The following GPC6 variants were observed in gnomAD, a reference collection of about 807,000 sequenced individuals.
GPC6 encodes glypican-6.
A neutral mutation model predicts 55.2 loss-of-function variants in GPC6; 14 were observed. That is an observed-to-expected ratio of 0.25 (90% CI 0.17 to 0.40). The LOEUF is 0.40. Ranked by LOEUF, GPC6 falls within the 10% of genes least tolerant of loss-of-function variation. The pLI is 1.00. For missense variants in GPC6, 641 were observed against 708.5 expected (o/e 0.90, Z 1.08); for synonymous variants, 278 against 259.6 (o/e 1.07, Z -0.68).
intron 1 of GPC6, among the ~76,000 whole-genome samples, chr13:93,390,154 G>A (rs1225349991): frequency 7.5e-6 from 1 of 132,662 alleles, no homozygotes; most frequent in South Asian, 2.7e-4. Context: ...AGATAGATGA[G>A]GTGGAAAGTG....
chr13:93,517,194 A>G (rs1881237277), intron 1 of GPC6, among the ~76,000 whole-genome samples: 1 of 152,150 alleles, frequency 6.6e-6, no homozygotes, highest in Admixed American at 6.6e-5. Flanking sequence ...CTTGTGTCTC[A>G]GAAACACCTT....
intron 1 of GPC6, among the ~76,000 whole-genome samples, chr13:93,453,193 C>A (rs769744609): frequency 2.0e-5 from 3 of 152,188 alleles, no homozygotes; most frequent in Non-Finnish European, 2.9e-5. Context: ...CCAAGTCATT[C>A]CTGAATTGCA....
intron 1 of GPC6, among the ~76,000 whole-genome samples, chr13:93,468,332 A>G (rs1878987988): frequency 6.6e-6 from 1 of 152,144 alleles, no homozygotes; most frequent in Non-Finnish European, 1.5e-5. Context: ...AAAATGAGAC[A>G]GTTTCTCCAC....
chr13:93,455,416 T>C, intron 1 of GPC6, among the ~76,000 whole-genome samples: 1 of 151,920 alleles, frequency 6.6e-6, no homozygotes, highest in Non-Finnish European at 1.5e-5. Flanking sequence ...AACTAACAAA[T>C]CTGGAGCCTG....
At chr13:93,891,082 T>G (rs1361229691) in intron 3 of GPC6, among the ~76,000 whole-genome samples, 1 of 152,040 alleles carries the variant, frequency 6.6e-6, no homozygotes, top group Non-Finnish European at 1.5e-5. Context: ...AACATAAAAA[T>G]GATATTAACA....
At chr13:94,259,652 C>G (rs542580817) in intron 4 of GPC6, among the ~76,000 whole-genome samples, 22 of 152,158 alleles carry the variant, frequency 1.4e-4, no homozygotes, top group Non-Finnish European at 3.1e-4. Context: ...AAATAATTCC[C>G]CATTTCCCTG....
chr13:93,913,411 T>C (rs1294106199), intron 3 of GPC6, among the ~76,000 whole-genome samples: 1 of 152,198 alleles, frequency 6.6e-6, no homozygotes, highest in East Asian at 1.9e-4. Flanking sequence ...CTATGCAAAA[T>C]ACAGCAAGAG....
At chr13:94,053,858 T>G (rs1884040734) in intron 4 of GPC6, among the ~76,000 whole-genome samples, 1 of 152,146 alleles carries the variant, frequency 6.6e-6, no homozygotes, top group African/African-American at 2.4e-5. Flanking sequence ...GATACTTATA[T>G]TCAGAAAAGC....
At chr13:94,012,371 A>G (rs911867987) in intron 3 of GPC6, among the ~76,000 whole-genome samples, 1 of 152,148 alleles carries the variant, frequency 6.6e-6, no homozygotes, top group Non-Finnish European at 1.5e-5. Flanking sequence ...AGCCAGGAAG[A>G]CTTTCTCATA....
At chr13:93,789,250 A>T (rs1885913424) in intron 2 of GPC6, among the ~76,000 whole-genome samples, 1 of 152,042 alleles carries the variant, frequency 6.6e-6, no homozygotes, top group African/African-American at 2.4e-5. Flanking sequence ...ACAGGTTAGA[A>T]AATGAGTCAG....
chr13:93,900,667 T>C (rs770093365), intron 3 of GPC6, among the ~76,000 whole-genome samples: 7 of 152,188 alleles, frequency 4.6e-5, no homozygotes, highest in Non-Finnish European at 5.9e-5. Flanking sequence ...TATGCTTATT[T>C]TCCTCACAAA....
intron 4 of GPC6, among the ~76,000 whole-genome samples, chr13:94,280,891 A>C (rs9584208): frequency 0.02 from 3,028 of 152,266 alleles, 83 homozygotes; most frequent in African/African-American, 0.067. Context: ...ACAAATTTAG[A>C]TGACTTAATG....
intron 6 of GPC6, among the ~76,000 whole-genome samples, chr13:94,333,492 C>CAA (rs1877529138): frequency 6.6e-6 from 1 of 152,162 alleles, no homozygotes; most frequent in South Asian, 2.1e-4. Flanking sequence ...CTGGTGAATC[C>CAA]TAAAAGGAAA....
chr13:93,438,167 C>T (rs1877644428), intron 1 of GPC6, among the ~76,000 whole-genome samples: 1 of 152,132 alleles, frequency 6.6e-6, no homozygotes, highest in African/African-American at 2.4e-5. Context: ...TGACAATGCA[C>T]CTGGTCACCC....
In GPC6 at chr13:94,266,151, CT is replaced by C. The variant is rs111623457; in HGVS notation, c.878-20186del. ...TTTTTCTTTTCTTTACTTTTCTTTT[CT>C]TTTTTTTTTTTGTTTGTTTGTTTGT... On this transcript the variant is annotated intron_variant, in intron 4 of 8. Transcript: ENST00000377047. Among the ~76,000 whole-genome samples, 459 of 142,782 alleles carry C rather than the reference CT, an allele frequency of 3.2e-3. 2 individuals carry two copies. Among genetic ancestry groups the C allele is most frequent in the African/African-American group, 8.9e-3 (343 of 38,376 alleles). The allele number at this position is 142,782 out of a possible 152,430, so 93.7% of individuals were successfully genotyped here. A position where few individuals can be genotyped will look rare whatever the true frequency, so the allele number is the denominator to read the frequency against.
chr13:94,383,335 G>A (rs1017906865), intron 7 of GPC6, among the ~76,000 whole-genome samples: 5 of 152,150 alleles, frequency 3.3e-5, no homozygotes, highest in Non-Finnish European at 7.3e-5. Context: ...AGGGATCTTT[G>A]AGGATTGACC....
At chr13:93,653,964 C>G (rs918549808) in intron 2 of GPC6, among the ~76,000 whole-genome samples, 2 of 152,194 alleles carry the variant, frequency 1.3e-5, no homozygotes, top group African/African-American at 4.8e-5. Flanking sequence ...TTTACTCTGT[C>G]ACTCATTCCA....
At chr13:94,003,010 C>CAGAT (rs1178137971) in intron 3 of GPC6, among the ~76,000 whole-genome samples, 4 of 152,154 alleles carry the variant, frequency 2.6e-5, no homozygotes. Context: ...GTCACACAGT[C>CAGAT]ATCTTGAAAG....
chr13:93,969,547 A>G (rs1012173703), intron 3 of GPC6, among the ~76,000 whole-genome samples: 5 of 152,030 alleles, frequency 3.3e-5, no homozygotes, highest in African/African-American at 7.2e-5. Context: ...TCTTTGCTCC[A>G]TTTTGCAGTT....
Sources: gnomAD v4.1 joint callset for allele counts (sites outside exome capture counted in the v4.1 genomes callset) on GRCh38, gnomAD v4.1.1 for gene constraint, MANE v1.5 for transcripts, NCBI Gene and HGNC (gene_info 2026-07-23, HGNC 2026-07-21) for gene names.